ANKRD55: variants seen among roughly 807,000 people sequenced by gnomAD.
The protein encoded by ANKRD55 is ankyrin repeat domain-containing protein 55.
Under a neutral mutation model 60.6 loss-of-function variants are expected in ANKRD55, and 41 were observed. That is an observed-to-expected ratio of 0.68 (90% confidence interval 0.53 to 0.88). ANKRD55 has a LOEUF of 0.88. ANKRD55 is among the 40% of genes least tolerant of loss of function. ANKRD55 has a pLI of 0.00. For missense variants in ANKRD55, 732 were observed against 767.6 expected, an observed-to-expected ratio of 0.95 and a Z score of 0.55; for synonymous variants, 264 against 290.3, an observed-to-expected ratio of 0.91 and a Z score of 0.92.
chr5:56,210,855 C>A (rs1461243093), intron 2 of ANKRD55, among the ~76,000 whole-genome samples: 2 of 152,036 alleles, frequency 1.3e-5, no homozygotes, highest in African/African-American at 4.8e-5. Flanking sequence ...TTTTTGTATT[C>A]TGCAATCAAT....
chr5:56,192,645 A>C, intron 2 of ANKRD55: 1 of 891,006 alleles, frequency 1.1e-6, no homozygotes, highest in Non-Finnish European at 1.8e-6. Flanking sequence ...TTGTTGGGAG[A>C]AGAGGGTGAC....
At chr5:56,195,419 A>T (rs1042262893) in intron 2 of ANKRD55, among the ~76,000 whole-genome samples, 9 of 152,266 alleles carry the variant, frequency 5.9e-5, no homozygotes, top group African/African-American at 2.2e-4. Flanking sequence ...CATGGCTGTC[A>T]TGCCACTTAC....
chr5:56,233,174 AC>A, intron 1 of ANKRD55, 66 bp downstream of exon 1: 1 of 445,506 alleles, frequency 2.2e-6, no homozygotes, highest in Non-Finnish European at 4.0e-6. Context: ...TACACCCTCC[AC>A]CCCCAAATCA....
intron 6 of ANKRD55, among the ~76,000 whole-genome samples, chr5:56,151,355 G>T (rs888900387): frequency 6.6e-6 from 1 of 152,058 alleles, no homozygotes; most frequent in African/African-American, 2.4e-5. Context: ...TTAGTTTTTT[G>T]AGAGTAGGTT....
chr5:56,132,036 A>T (rs1757432396), intron 7 of ANKRD55, among the ~76,000 whole-genome samples: 1 of 151,872 alleles, frequency 6.6e-6, no homozygotes, highest in Admixed American at 6.6e-5. Flanking sequence ...CATATATATA[A>T]GCTTATGTAT....
At chr5:56,185,955 T>C (rs1215972929) in intron 2 of ANKRD55, among the ~76,000 whole-genome samples, 1 of 152,144 alleles carries the variant, frequency 6.6e-6, no homozygotes, top group Non-Finnish European at 1.5e-5. Flanking sequence ...CTCACAGTAG[T>C]ATTTTGTTGT....
rs201467096 is a variant in ANKRD55 at position 56,135,211 on chromosome 5, T to TTTCCTTCCTTCCTTCCTTCCTTCCTTCC, written c.613-8133_613-8106dup. On this transcript the variant is annotated intron_variant, in intron 7 of 11. Transcript: ENST00000341048. Reference sequence around the variant, plus strand: ...GAAGAAGGTAAAAATGTCTCACAACTTTCCTTCCTTCCTTCCTTCCTTCCT... The same window carrying TTTCCTTCCTTCCTTCCTTCCTTCCTTCC: ...GAAGAAGGTAAAAATGTCTCACAACTTTCCTTCCTTCCTTCCTTCCTTCCTTCCTTCCTTCCTTCCTTCCTTCCTTCCT... Among the ~76,000 whole-genome samples the TTTCCTTCCTTCCTTCCTTCCTTCCTTCC allele has an allele frequency of 1.9e-4, 22 of 118,454 alleles. 1 individual carries two copies. Among genetic ancestry groups the TTTCCTTCCTTCCTTCCTTCCTTCCTTCC allele is most frequent in the Admixed American group, 6.3e-4 (7 of 11,050 alleles). 77.7% of individuals were successfully genotyped at this position (118,454 alleles called of 152,430 possible).
At chr5:56,126,251 G>A (rs114083649) in intron 8 of ANKRD55, among the ~76,000 whole-genome samples, 2,080 of 152,244 alleles carry the variant, frequency 0.014, 40 homozygotes, top group Admixed American at 0.04. Context: ...ACTTATTTTT[G>A]ATAGTCTTGT....
At chr5:56,154,584 G>T (rs370518478) in intron 6 of ANKRD55, among the ~76,000 whole-genome samples, 5 of 134,774 alleles carry the variant, frequency 3.7e-5, no homozygotes, top group Admixed American at 7.7e-5. Context: ...TAGTTTTAAA[G>T]TTTTTTTTTT....
chr5:56,219,705 A>C (rs894772263), intron 2 of ANKRD55, among the ~76,000 whole-genome samples: 2 of 152,224 alleles, frequency 1.3e-5, no homozygotes, highest in African/African-American at 4.8e-5. Context: ...TAGTGGTCTT[A>C]GCCCCACCCA....
At chr5:56,214,856 C>G (rs759853734) in intron 2 of ANKRD55, among the ~76,000 whole-genome samples, 2 of 152,230 alleles carry the variant, frequency 1.3e-5, no homozygotes, top group East Asian at 3.9e-4. Flanking sequence ...CCTGCTGGGC[C>G]GGCCCAGTTG....
rs182491117 is a variant in ANKRD55 at position 56,177,919 on chromosome 5, C to T, written c.182-1637G>A. 2.6e-3 allele frequency among the ~76,000 whole-genome samples: 392 copies of T among 152,282 alleles called. 2 individuals are homozygous for T. The highest frequency in any genetic ancestry group is 0.014 in the Middle Eastern group (4 of 294). On this transcript the variant is annotated intron_variant, in intron 3 of 11. Transcript: ENST00000341048. ...TTCTTCAGGGAACACCTTCCTGACC[C>T]TCCATTGTGAACTGGATGTCCATGT... is the stretch of plus-strand genomic sequence containing the variant.
intron 2 of ANKRD55, among the ~76,000 whole-genome samples, chr5:56,231,978 A>G (rs2111905544): frequency 6.6e-6 from 1 of 152,316 alleles, no homozygotes; most frequent in Admixed American, 6.5e-5. Context: ...AAAATCACCA[A>G]AGGAACTTAG....
intron 2 of ANKRD55, among the ~76,000 whole-genome samples, chr5:56,228,147 G>C (rs1001877185): frequency 1.3e-5 from 2 of 152,118 alleles, no homozygotes; most frequent in Admixed American, 6.5e-5. Flanking sequence ...CATGGCAAGA[G>C]AGTGACTATG....
chr5:56,150,131 C>G lies in ANKRD55; in HGVS notation c.484-6202G>C, dbSNP rs553319149. ...CTAGGATTACAGGCGTGAGCCACTG[C>G]GCCCGGCCTATTTTCACTAACTTCT... On this transcript the variant is annotated intron_variant, in intron 6 of 11. Coordinates refer to ENST00000341048, the MANE Select transcript of ANKRD55 (RefSeq NM_024669.3). Among the ~76,000 whole-genome samples, 9 of 152,226 alleles carry G rather than the reference C, an allele frequency of 5.9e-5. No individual in the cohort carries two copies. The East Asian group carries it at 1.7e-3, about 29-fold the overall frequency.
chr5:56,149,542 A>AC (rs1757989785), intron 6 of ANKRD55, among the ~76,000 whole-genome samples: 1 of 152,202 alleles, frequency 6.6e-6, no homozygotes, highest in African/African-American at 2.4e-5. Flanking sequence ...ATTTTCAACA[A>AC]AAAAAGAACA....
At chr5:56,232,713 A>C (rs1279636986) in intron 2 of ANKRD55, 143 bp downstream of exon 2, 1 of 732,074 alleles carries the variant, frequency 1.4e-6, no homozygotes, top group Non-Finnish European at 2.3e-6. Context: ...CACATCCTAC[A>C]TAGCAAATAC....
chr5:56,133,369 G>A (rs141284411), intron 7 of ANKRD55, among the ~76,000 whole-genome samples: 1,896 of 150,304 alleles, frequency 0.013, 93 homozygotes, highest in Admixed American at 0.036. Context: ...AACCTAGGAG[G>A]CGGAGGTTGT....
intron 7 of ANKRD55, chr5:56,127,402 G>C (rs1414395320): frequency 1.0e-6 from 1 of 984,766 alleles, no homozygotes. Flanking sequence ...GCAATGGACT[G>C]ACGTCAGAGC....
Sources: allele counts gnomAD v4.1 joint callset (sites outside exome capture counted in the v4.1 genomes callset), GRCh38; gene constraint gnomAD v4.1.1; transcripts MANE v1.5; gene names NCBI Gene and HGNC (gene_info 2026-07-23, HGNC 2026-07-21).